Variants in PPP1R13B observed in about 807,000 individuals in gnomAD.
PPP1R13B encodes the protein apoptosis-stimulating of p53 protein 1.
PPP1R13B carries 44 observed loss-of-function variants against 119.8 expected under a neutral mutation model. The observed-to-expected ratio is 0.37, with a 90% CI of 0.29 to 0.47. The LOEUF is 0.47. Ranked by LOEUF, PPP1R13B falls within the 20% of genes least tolerant of loss-of-function variation. PPP1R13B has a pLI of 0.99. For missense variants in PPP1R13B, 1,227 were observed against 1,413.5 expected (o/e 0.87, Z 2.12); for synonymous variants, 542 against 561.5 (o/e 0.97, Z 0.49).
At chr14:103,826,239 T>C (rs1359667864) in intron 1 of PPP1R13B, among the ~76,000 whole-genome samples, 1 of 152,192 alleles carries the variant, frequency 6.6e-6, no homozygotes, top group African/African-American at 2.4e-5. Context: ...TTGCGATTAT[T>C]TGCTTTATTA....
chr14:103,745,396 G>A (rs940315135), intron 9 of PPP1R13B, among the ~76,000 whole-genome samples: 12 of 152,232 alleles, frequency 7.9e-5, no homozygotes, highest in South Asian at 2.1e-4. Context: ...TTTCATAAAC[G>A]AAGGAATGTT....
chr14:103,800,620 A>G (rs552843975), intron 1 of PPP1R13B, among the ~76,000 whole-genome samples: 1 of 151,908 alleles, frequency 6.6e-6, no homozygotes, highest in African/African-American at 2.4e-5. Context: ...GCACCATTTC[A>G]CTCCAGCCTG....
intron 1 of PPP1R13B, among the ~76,000 whole-genome samples, chr14:103,822,291 C>T (rs1007137687): frequency 1.3e-5 from 2 of 152,060 alleles, no homozygotes; most frequent in Non-Finnish European, 2.9e-5. Flanking sequence ...CCCACCACCA[C>T]GCTAGGCTAA....
intron 1 of PPP1R13B, chr14:103,847,093 G>T: frequency 1.0e-6 from 1 of 987,936 alleles, no homozygotes; most frequent in Non-Finnish European, 1.2e-6. Flanking sequence ...GCCCGCAGGC[G>T]GCCCCGGCCC....
chr14:103,760,217 T>C (rs1162156566), intron 4 of PPP1R13B, among the ~76,000 whole-genome samples: 1 of 152,164 alleles, frequency 6.6e-6, no homozygotes, highest in Non-Finnish European at 1.5e-5. Context: ...TCAAAGAAAA[T>C]GAAAACTCTT....
chr14:103,841,978 A>G (rs2086920078), intron 1 of PPP1R13B, among the ~76,000 whole-genome samples: 1 of 152,158 alleles, frequency 6.6e-6, no homozygotes, highest in Non-Finnish European at 1.5e-5. Context: ...CCTCACTAAC[A>G]AGTAGGAGCA....
At chr14:103,781,323 G>A (rs1327108810) in intron 3 of PPP1R13B, among the ~76,000 whole-genome samples, 5 of 152,278 alleles carry the variant, frequency 3.3e-5, no homozygotes, top group African/African-American at 1.2e-4. Context: ...TCTTCAGGTG[G>A]ATGTTCCCAG....
chr14:103,783,124 A>C (rs1164283577), intron 3 of PPP1R13B, among the ~76,000 whole-genome samples: 1 of 151,422 alleles, frequency 6.6e-6, no homozygotes, highest in African/African-American at 2.4e-5. Flanking sequence ...TTCCTATCAA[A>C]TTTTAGGAAT....
intron 4 of PPP1R13B, among the ~76,000 whole-genome samples, chr14:103,769,662 G>A (rs1048030244): frequency 2.0e-5 from 3 of 152,098 alleles, no homozygotes; most frequent in Admixed American, 1.3e-4. Context: ...TTATGCTCAC[G>A]TAATATTCAT....
At chr14:103,830,062 C>T (rs2086634214) in intron 1 of PPP1R13B, among the ~76,000 whole-genome samples, 1 of 151,740 alleles carries the variant, frequency 6.6e-6, no homozygotes, top group Non-Finnish European at 1.5e-5. Context: ...CAGGCATGAG[C>T]CACCACGCCT....
At chr14:103,834,520 C>T (rs1054317877) in intron 1 of PPP1R13B, among the ~76,000 whole-genome samples, 2 of 149,814 alleles carry the variant, frequency 1.3e-5, no homozygotes, top group African/African-American at 4.9e-5. Flanking sequence ...GAACCTTATT[C>T]TGGTTCTGAG....
At chr14:103,844,234 T>G (rs1056009622) in intron 1 of PPP1R13B, among the ~76,000 whole-genome samples, 7 of 151,028 alleles carry the variant, frequency 4.6e-5, no homozygotes, top group Non-Finnish European at 8.8e-5. Flanking sequence ...ATCATTGCAC[T>G]CCAGCCTTGG....
At chr14:103,802,530 C>T (rs1279533100) in intron 1 of PPP1R13B, among the ~76,000 whole-genome samples, 1 of 152,166 alleles carries the variant, frequency 6.6e-6, no homozygotes, top group African/African-American at 2.4e-5. Flanking sequence ...AGGCATCCCA[C>T]GGTTTGCTCT....
chr14:103,747,214 G>C (rs966034476), intron 8 of PPP1R13B: 1 of 152,194 alleles, frequency 6.6e-6, no homozygotes, highest in African/African-American at 2.4e-5. Context: ...TTTCAATATA[G>C]GCTCTAAATA....
chr14:103,748,976 GA>G (rs1305567620), intron 8 of PPP1R13B, among the ~76,000 whole-genome samples: 1 of 152,138 alleles, frequency 6.6e-6, no homozygotes, highest in African/African-American at 2.4e-5. Flanking sequence ...CTTTATTAGG[GA>G]AAAGACTGGA....
At chr14:103,848,344 G>A (rs910187872), upstream of PPP1R13B, 2 of 985,352 alleles carry the variant, frequency 2.0e-6, no homozygotes, top group African/African-American at 1.7e-5. Context: ...CAGGGCCTGG[G>A]TCTCTCCCTG....
rs1327169056 is a variant in PPP1R13B, at chr14:103,742,755, C to T, written c.1219G>A (p.Gly407Ser). 4.3e-6 allele frequency: 7 copies of T among 1,614,158 alleles called. No individual in the cohort carries two copies. The highest frequency in any genetic ancestry group is 2.2e-5 in the South Asian group (2 of 91,078). Residue 407 changes from glycine (G) to serine (S), a missense_variant, in exon 10 of 17, where the codon GGT (glycine) becomes AGT (serine). Transcript: ENST00000202556. This position sits in a 1 kb window ranked among gnomAD's most constrained non-coding sequence, Gnocchi z 4.9. ...SSSVKPVQVAGADWKDPSVEG... is the reference protein window; with the variant it reads ...SSSVKPVQVASADWKDPSVEG... Reference sequence around the variant, plus strand: ...ACGCTCGGATCCTTCCAGTCTGCACCGGCCACCTGCACTGGTTTCACGGAA... The same window carrying T: ...ACGCTCGGATCCTTCCAGTCTGCACTGGCCACCTGCACTGGTTTCACGGAA...
At position 103,755,266 on chromosome 14, in the gene PPP1R13B, A is replaced by G. The variant is rs1365991143; in HGVS notation, c.457-1022T>C. Reference sequence around the variant, plus strand: ...CTGCTGCTACAAAGTGGCTTCCAAGAATCTAATTCATTTCCTAAAGGAAAT... The same window carrying G: ...CTGCTGCTACAAAGTGGCTTCCAAGGATCTAATTCATTTCCTAAAGGAAAT... On this transcript the variant is annotated intron_variant, in intron 5 of 16. Coordinates refer to ENST00000202556, the MANE Select transcript of PPP1R13B (RefSeq NM_015316.3). Among the ~76,000 whole-genome samples, 4 of 152,324 alleles carry G rather than the reference A, an allele frequency of 2.6e-5. No homozygotes were observed. The East Asian group carries it at 7.7e-4, about 29-fold the overall frequency.
chr14:103,798,308 C>T (rs184154033), intron 1 of PPP1R13B, among the ~76,000 whole-genome samples: 1,995 of 151,984 alleles, frequency 0.013, 22 homozygotes, highest in Non-Finnish European at 0.023. Context: ...CCCGCCACCA[C>T]GCCCGGCTAA....
Sources: gnomAD v4.1 joint callset for allele counts (sites outside exome capture counted in the v4.1 genomes callset) on GRCh38, gnomAD v4.1.1 for gene constraint, Gnocchi (gnomAD v3.1) non-coding constraint, MANE v1.5 for transcripts, NCBI Gene and HGNC (gene_info 2026-07-23, HGNC 2026-07-21) for gene names.